The following BCR variants were observed in gnomAD, a reference collection of about 807,000 sequenced individuals.
BCR encodes the protein BCR activator of RhoGEF and GTPase, also known as breakpoint cluster region protein.
Under a neutral mutation model 138.6 loss-of-function variants are expected in BCR, and 58 were observed. That is an observed-to-expected ratio of 0.42 (90% CI 0.34 to 0.52). The LOEUF (loss-of-function observed/expected upper bound fraction) is 0.52. Ranked by LOEUF, BCR falls within the 20% of genes least tolerant of loss-of-function variation. BCR has a pLI of 0.06. For missense variants in BCR, 1,599 were observed against 1,727.2 expected (o/e 0.93, Z 1.32); for synonymous variants, 786 against 730.1 (o/e 1.08, Z -1.23).
intron 5 of BCR, among the ~76,000 whole-genome samples, chr22:23,271,288 C>A (rs957263500): frequency 6.6e-6 from 1 of 152,244 alleles, no homozygotes; most frequent in Non-Finnish European, 1.5e-5. Context: ...GAATCTGTAG[C>A]CCAAAATGTC....
At chr22:23,237,322 C>CGT (rs2073037984) in intron 1 of BCR, among the ~76,000 whole-genome samples, 5 of 152,184 alleles carry the variant, frequency 3.3e-5, no homozygotes, top group African/African-American at 1.2e-4. Flanking sequence ...GTGAATCTCA[C>CGT]CTCCTCCCAC....
chr22:23,249,710 G>A (rs1310258019), intron 1 of BCR, among the ~76,000 whole-genome samples: 1 of 152,096 alleles, frequency 6.6e-6, no homozygotes, highest in Non-Finnish European at 1.5e-5. Flanking sequence ...GGAAATTGAG[G>A]GGCAGTCCTC....
intron 10 of BCR, among the ~76,000 whole-genome samples, chr22:23,286,256 G>C (rs1348889981): frequency 6.6e-6 from 1 of 152,210 alleles, no homozygotes; most frequent in Non-Finnish European, 1.5e-5. Context: ...CTGTAAAAAT[G>C]GTGAGGACAA....
In BCR at chr22:23,270,308, T is replaced by C. The variant is rs538497336; in HGVS notation, c.1861-1224T>C. On this transcript the variant is annotated intron_variant, in intron 5 of 22. Coordinates refer to ENST00000305877, the MANE Select transcript of BCR (RefSeq NM_004327.4). Reference sequence around the variant, plus strand: ...ACACCAGCTCTCCAGACGGTAGGAATAGGAATTACATGAAAAGGGCTTTGG... The same window carrying C: ...ACACCAGCTCTCCAGACGGTAGGAACAGGAATTACATGAAAAGGGCTTTGG... Among the ~76,000 whole-genome samples the C allele has an allele frequency of 7.4e-4, 113 of 152,162 alleles. 1 individual carries two copies. The Middle Eastern group carries it at 0.01, about 14-fold the overall frequency.
chr22:23,271,194 G>A (rs527947029), intron 5 of BCR, among the ~76,000 whole-genome samples: 5 of 152,358 alleles, frequency 3.3e-5, no homozygotes, highest in African/African-American at 7.2e-5. Flanking sequence ...CAAAACAGCA[G>A]GAAGGCAGAC....
In BCR at chr22:23,314,565, G is replaced by A; in HGVS notation, c.3577G>A (p.Glu1193Lys). 1 of 1,611,976 alleles carries A rather than the reference G, an allele frequency of 6.2e-7. No individual in the cohort carries two copies. Among genetic ancestry groups the A allele is most frequent in the Non-Finnish European group, 8.5e-7 (1 of 1,179,838 alleles). ...GGTCCTCTACAGGGTGGCAGAGAAG[G>A]AGGCAGTCAATAAGATGTCCCTGCA... ...LDHLKRVAEKEAVNKMSLHNL... is the reference protein window; with the variant it reads ...LDHLKRVAEKKAVNKMSLHNL... The change falls in exon 22 of 23, where the codon GAG (glutamate) becomes AAG (lysine). Residue 1193 changes from glutamate to lysine, a missense_variant. This residue lies in a region of BCR where 177 missense variants were observed against 226.4 expected (regional missense o/e 0.78). Coordinates refer to ENST00000305877, the MANE Select transcript of BCR (RefSeq NM_004327.4).
chr22:23,250,674 T>C (rs2073214799), intron 1 of BCR, among the ~76,000 whole-genome samples: 1 of 152,194 alleles, frequency 6.6e-6, no homozygotes, highest in Admixed American at 6.5e-5. Context: ...GGCCTTCATC[T>C]AATAGTGACA....
intron 4 of BCR, among the ~76,000 whole-genome samples, chr22:23,266,546 C>T (rs573658327): frequency 2.0e-5 from 3 of 152,254 alleles, no homozygotes; most frequent in African/African-American, 4.8e-5. Flanking sequence ...TGCGCCGTCA[C>T]GCCCGTCTAA....
chr22:23,223,295 A>C (rs992984325), intron 1 of BCR, among the ~76,000 whole-genome samples: 2 of 149,494 alleles, frequency 1.3e-5, no homozygotes, highest in African/African-American at 5.1e-5. Flanking sequence ...AGCATGTGTG[A>C]GTATTTGTAT....
intron 16 of BCR, among the ~76,000 whole-genome samples, chr22:23,298,324 G>A (rs537542724): frequency 4.9e-4 from 75 of 152,242 alleles, no homozygotes; most frequent in African/African-American, 1.8e-3. Context: ...AGGGGGTTCT[G>A]GCTAAACGGA....
At chr22:23,192,134 T>C (rs946305870) in intron 1 of BCR, among the ~76,000 whole-genome samples, 2 of 152,174 alleles carry the variant, frequency 1.3e-5, no homozygotes, top group Non-Finnish European at 2.9e-5. Context: ...GTAGTAAATA[T>C]GACTTTCATG....
intron 1 of BCR, among the ~76,000 whole-genome samples, chr22:23,217,818 G>A (rs1286330630): frequency 6.6e-6 from 1 of 152,202 alleles, no homozygotes; most frequent in Non-Finnish European, 1.5e-5. Flanking sequence ...GTGAGACCTG[G>A]AGGGAGGGCA....
chr22:23,284,739 A>C (rs921831113), intron 9 of BCR, among the ~76,000 whole-genome samples: 1 of 152,176 alleles, frequency 6.6e-6, no homozygotes, highest in Non-Finnish European at 1.5e-5. Flanking sequence ...GTCATTGTGC[A>C]GCCTTGATGT....
intron 1 of BCR, among the ~76,000 whole-genome samples, chr22:23,249,786 A>C (rs2073201965): frequency 6.6e-6 from 1 of 152,114 alleles, no homozygotes; most frequent in South Asian, 2.1e-4. Flanking sequence ...ACAAGTATGG[A>C]TTGGAGTGAT....
At chr22:23,314,740 T>TGCAACCCTGACCTG in intron 22 of BCR, 26 bp downstream of exon 22, 1 of 1,611,550 alleles carries the variant, frequency 6.2e-7, no homozygotes, top group Non-Finnish European at 8.5e-7. Flanking sequence ...CTCCAGCCCA[T>TGCAACCCTGACCTG]GCAACCCTGA....
intron 16 of BCR, among the ~76,000 whole-genome samples, chr22:23,296,667 C>T (rs868377919): frequency 6.6e-6 from 1 of 152,214 alleles, no homozygotes; most frequent in African/African-American, 2.4e-5. Flanking sequence ...AGCAAAAAGA[C>T]TCCTCTGGCA....
At chr22:23,303,470 T>TG (rs1367314686) in intron 16 of BCR, among the ~76,000 whole-genome samples, 2 of 152,162 alleles carry the variant, frequency 1.3e-5, no homozygotes, top group Non-Finnish European at 2.9e-5. Flanking sequence ...CTGATGTGCC[T>TG]GGGGGGCATT....
At chr22:23,223,124 C>T (rs5759651) in intron 1 of BCR, among the ~76,000 whole-genome samples, 1 of 152,194 alleles carries the variant, frequency 6.6e-6, no homozygotes, top group Admixed American at 6.5e-5. Context: ...AGCCCCACCT[C>T]TTAGTATTAT....
Position 23,305,208 on chromosome 22 carries a change from C to T in BCR, c.3013-4216C>T, listed in dbSNP as rs1033303302. ...GGCCTGTAATCTCTCTCCTGGTGAA[C>T]ACAGAGGTTCTCTGGTGGTCTCAGC... is the stretch of plus-strand genomic sequence containing the variant. On this transcript the variant is annotated intron_variant, in intron 16 of 22. Coordinates refer to ENST00000305877, the MANE Select transcript of BCR (RefSeq NM_004327.4). Among the ~76,000 whole-genome samples, 3 of 151,456 alleles carry T rather than the reference C, an allele frequency of 2.0e-5. No individual in the cohort carries two copies. The East Asian group carries it at 5.9e-4, about 30-fold the overall frequency.
Sources: allele counts gnomAD v4.1 joint callset (sites outside exome capture counted in the v4.1 genomes callset), GRCh38; gene constraint gnomAD v4.1.1; regional missense constraint gnomAD v4.1.1; transcripts MANE v1.5; gene names NCBI Gene and HGNC (gene_info 2026-07-23, HGNC 2026-07-21).